Variants in TMEM151B observed in about 807,000 individuals in gnomAD.
The protein encoded by TMEM151B is transmembrane protein 151B, also known as transmembrane protein 193.
A neutral mutation model predicts 33.0 loss-of-function variants in TMEM151B; 18 were observed. That is an observed-to-expected ratio of 0.55 (90% CI 0.38 to 0.81). TMEM151B has a LOEUF of 0.81. Among genes scored for constraint, TMEM151B ranks in the 30% least tolerant of loss-of-function variants. TMEM151B has a pLI of 0.00. For synonymous variants in TMEM151B, 354 were observed against 373.6 expected, an observed-to-expected ratio of 0.95 and a Z score of 0.61; for missense variants, 672 against 843.4, an observed-to-expected ratio of 0.80 and a Z score of 2.52.
rs1334016385 is a variant in TMEM151B at position 44,273,145 on chromosome 6, T to C, written c.215T>C (p.Met72Thr). Reference protein sequence around the residue: ...HWKCLLLSLLMYGCLGAVAWC... With the variant: ...HWKCLLLSLLTYGCLGAVAWC... Reference sequence around the variant, plus strand: ...AAGTGCCTCCTGCTCTCGCTGCTCATGTACGGCTGCCTGGGGGCAGTGGCC... The same window carrying C: ...AAGTGCCTCCTGCTCTCGCTGCTCACGTACGGCTGCCTGGGGGCAGTGGCC... Residue 72 changes from methionine (M) to threonine (T), a missense_variant, in exon 2 of 3, where the codon ATG (methionine) becomes ACG (threonine). Coordinates refer to ENST00000451188, the MANE Select transcript of TMEM151B (RefSeq NM_001137560.2). 1.3e-6 allele frequency: 2 copies of C among 1,543,278 alleles called. No homozygotes were observed. The highest frequency in any genetic ancestry group is 2.0e-5 in the Admixed American group (1 of 50,806).
At position 44,275,508 on chromosome 6, in the gene TMEM151B, C is replaced by T. The variant is rs1405920223; in HGVS notation, c.682C>T (p.Pro228Ser). ...SKTLVGLEGA[P>S]ATRLRFTKCF... ...GACGCTGGTGGGGCTGGAGGGCGCG[C>T]CGGCCACGCGGCTGCGCTTCACCAA... Residue 228 changes from proline (P) to serine (S), a missense_variant, in exon 3 of 3, where the codon CCG (proline) becomes TCG (serine). This residue lies in a region of TMEM151B where 285 missense variants were observed against 423.1 expected (regional missense o/e 0.67). Transcript: ENST00000451188. 8 of 1,549,694 alleles carry T rather than the reference C, an allele frequency of 5.2e-6. No homozygotes were observed. The highest frequency in any genetic ancestry group is 6.1e-6 in the Non-Finnish European group (7 of 1,146,320).
intron 1 of TMEM151B, among the ~76,000 whole-genome samples, chr6:44,272,398 C>G (rs905974269): frequency 6.6e-6 from 1 of 152,022 alleles, no homozygotes; most frequent in Non-Finnish European, 1.5e-5. Flanking sequence ...GAACCAGGGT[C>G]CAGAACATGG....
intron 2 of TMEM151B, among the ~76,000 whole-genome samples, chr6:44,274,991 G>A (rs1343557287): frequency 6.6e-6 from 1 of 151,886 alleles, no homozygotes; most frequent in African/African-American, 2.4e-5. Context: ...GGTAGTGGGC[G>A]CCTGTAGTCC....
At chr6:44,272,406 T>C (rs749123482) in intron 1 of TMEM151B, among the ~76,000 whole-genome samples, 2 of 152,020 alleles carry the variant, frequency 1.3e-5, no homozygotes, top group Non-Finnish European at 2.9e-5. Flanking sequence ...GTCCAGAACA[T>C]GGGGAATGAG....
In TMEM151B at chr6:44,276,483, C is replaced by T; in HGVS notation, c.1657C>T (p.Arg553Trp). The T allele has an allele frequency of 6.9e-7, 1 of 1,446,096 alleles. No individual in the cohort carries two copies. The highest frequency in any genetic ancestry group is 9.1e-7 in the Non-Finnish European group (1 of 1,097,390). The allele number at this position is 1,446,096 out of a possible 1,614,324, so 89.6% of individuals were successfully genotyped here. Reference protein sequence around the residue: ...RQEGCLGHSHRPLHRHGSCVE... With the variant: ...RQEGCLGHSHWPLHRHGSCVE... ...GGAGGGGTGTCTGGGCCACAGCCAC[C>T]GGCCGCTGCACCGCCACGGCTCCTG... Residue 553 changes from arginine (R) to tryptophan (W), a missense_variant, in exon 3 of 3, where the codon CGG becomes TGG. Physicochemically the swap from Arg to Trp is moderately radical, Grantham distance 101. Around this residue, in one of 3 missense-constraint regions of TMEM151B, gnomAD observed 324 missense variants for 363.1 expected, o/e 0.89. Transcript: ENST00000451188.
chr6:44,273,559 G>A (rs1583014639), intron 2 of TMEM151B, 53 bp downstream of exon 2: 15 of 1,491,124 alleles, frequency 1.0e-5, no homozygotes, highest in Admixed American at 6.2e-5. Context: ...TGGCACTTAC[G>A]TGCTGCCTCA....
chr6:44,275,133 A>AG (rs1446410026), intron 2 of TMEM151B, among the ~76,000 whole-genome samples: 4 of 132,526 alleles, frequency 3.0e-5, no homozygotes, highest in Non-Finnish European at 5.0e-5. Flanking sequence ...AAAAAAAAAA[A>AG]AAAGAAAAAG....
intron 2 of TMEM151B, among the ~76,000 whole-genome samples, chr6:44,275,117 CAA>C (rs55699643): frequency 9.8e-5 from 11 of 111,804 alleles, no homozygotes; most frequent in South Asian, 8.7e-4. Context: ...GACTCCATCT[CAA>C]AAAAAAAAAA....
intron 2 of TMEM151B, among the ~76,000 whole-genome samples, chr6:44,275,051 G>C (rs944601807): frequency 6.6e-5 from 10 of 150,920 alleles, no homozygotes; most frequent in Non-Finnish European, 1.0e-4. Context: ...CCGGGAGGCG[G>C]AGCTTGCAGT....
chr6:44,274,081 G>A (rs1473244707), intron 2 of TMEM151B, among the ~76,000 whole-genome samples: 1 of 152,090 alleles, frequency 6.6e-6, no homozygotes, highest in East Asian at 1.9e-4. Context: ...CTGGTGTGGT[G>A]GTATGCACCT....
intron 2 of TMEM151B, 112 bp downstream of exon 2, chr6:44,273,618 A>G: frequency 1.6e-6 from 2 of 1,216,152 alleles, no homozygotes; most frequent in Middle Eastern, 4.5e-4. Flanking sequence ...AAAAGGCAGC[A>G]GTGAGCTCCC....
chr6:44,276,677 G>T lies in TMEM151B; in HGVS notation c.*150G>T. ...GAGGGCCGCAAGACAGGCCCGGATG[G>T]GGCCGAGACCCCCGCTGTCCCTGTA... On this transcript the variant is annotated 3_prime_UTR_variant, in exon 3 of 3. Transcript: ENST00000451188. 1 of 1,265,654 alleles carries T rather than the reference G, an allele frequency of 7.9e-7. No homozygotes were observed. Among genetic ancestry groups the T allele is most frequent in the Admixed American group, 4.1e-5 (1 of 24,210 alleles). The allele number at this position is 1,265,654 out of a possible 1,614,324, so 78.4% of individuals were successfully genotyped here. A position where few individuals can be genotyped will look rare whatever the true frequency, so the allele number is the denominator to read the frequency against.
intron 1 of TMEM151B, among the ~76,000 whole-genome samples, chr6:44,272,494 G>C (rs955023403): frequency 1.3e-5 from 2 of 152,270 alleles, no homozygotes; most frequent in Middle Eastern, 6.8e-3. Flanking sequence ...AGGTGGATGG[G>C]TCAGAGGGGA....
At chr6:44,273,034 A>G in intron 1 of TMEM151B, 32 bp from the exon 2 acceptor site, 2 of 1,466,978 alleles carry the variant, frequency 1.4e-6, no homozygotes, top group Non-Finnish European at 9.1e-7. Context: ...CTTCCCACTC[A>G]TCTTGGCCCC....
chr6:44,271,384 C>T (rs1782348128), intron 1 of TMEM151B, among the ~76,000 whole-genome samples: 1 of 124,330 alleles, frequency 8.0e-6, no homozygotes. Flanking sequence ...GGGGTGTGCA[C>T]CTCTCTCTCA....
Position 44,270,752 on chromosome 6 carries a change from C to A in TMEM151B, c.10C>A (p.Pro4Thr), listed in dbSNP as rs1782292060. MSP[P>T]GSAAGESAAG... ...GCGCCCCCTCTACGCCATGTCCCCC[C>A]CTGGCTCGGCCGCGGGAGAGAGCGC... is the stretch of plus-strand genomic sequence containing the variant. Residue 4 changes from proline (P) to threonine (T), a missense_variant, in exon 1 of 3, where the codon CCT becomes ACT. By Grantham distance (38) the Pro-to-Thr change is conservative (BLOSUM62 -1). This residue lies in a region of TMEM151B where 63 missense variants were observed against 57.2 expected (regional missense o/e 1.10). Transcript: ENST00000451188. 9.0e-7 allele frequency: 1 copy of A among 1,105,132 alleles called. No homozygotes were observed. Among genetic ancestry groups the A allele is most frequent in the Non-Finnish European group, 1.1e-6 (1 of 902,262 alleles). 68.5% of individuals were successfully genotyped at this position (1,105,132 alleles called of 1,614,324 possible).
chr6:44,275,257 C>G, intron 2 of TMEM151B, 146 bp from the exon 3 acceptor site: 1 of 1,405,242 alleles, frequency 7.1e-7, no homozygotes, highest in Middle Eastern at 2.6e-4. Flanking sequence ...AGATCCTAAC[C>G]AGCTCCAGCC....
At position 44,276,279 on chromosome 6, in the gene TMEM151B, A is replaced by G; in HGVS notation, c.1453A>G (p.Ser485Gly). The G allele has an allele frequency of 7.3e-7, 1 of 1,377,954 alleles. No individual in the cohort carries two copies. The highest frequency in any genetic ancestry group is 1.5e-5 in the African/African-American group (1 of 66,448). 85.4% of individuals were successfully genotyped at this position (1,377,954 alleles called of 1,614,324 possible). A position where few individuals can be genotyped will look rare whatever the true frequency, so the allele number is the denominator to read the frequency against. The change falls in exon 3 of 3, where the codon AGC becomes GGC. Residue 485 changes from serine (S) to glycine (G), a missense_variant. Around this residue, in one of 3 missense-constraint regions of TMEM151B, gnomAD observed 324 missense variants for 363.1 expected, o/e 0.89. Transcript: ENST00000451188. Reference sequence around the variant, plus strand: ...GGGCCGTCTCTACGGCTCCCGGCGCAGCTGCCTGTGGCGCAGCCGCAGCGG... The same window carrying G: ...GGGCCGTCTCTACGGCTCCCGGCGCGGCTGCCTGTGGCGCAGCCGCAGCGG... ...SLGRLYGSRR[S>G]CLWRSRSGSV...
In TMEM151B at chr6:44,276,394, A is replaced by T. The variant is rs1445809278; in HGVS notation, c.1568A>T (p.Glu523Val). 1 of 1,514,656 alleles carries T rather than the reference A, an allele frequency of 6.6e-7. No individual in the cohort carries two copies. Among genetic ancestry groups the T allele is most frequent in the Non-Finnish European group, 8.8e-7 (1 of 1,136,922 alleles). 93.8% of individuals were successfully genotyped at this position (1,514,656 alleles called of 1,614,324 possible). Reference sequence around the variant, plus strand: ...GACGACGAGGACGACGACGAGGAGGAGGCCGGGCCGCCGCCGCCCTACCAC... The same window carrying T: ...GACGACGAGGACGACGACGAGGAGGTGGCCGGGCCGCCGCCGCCCTACCAC... Reference protein sequence around the residue: ...MGDDEDDDEEEAGPPPPYHDA... With the variant: ...MGDDEDDDEEVAGPPPPYHDA... Residue 523 changes from glutamate to valine, a missense_variant, in exon 3 of 3, where the codon GAG becomes GTG. Glu to Val is a moderately radical substitution (Grantham distance 121, BLOSUM62 -2). This residue lies in a region of TMEM151B where 324 missense variants were observed against 363.1 expected (regional missense o/e 0.89). Coordinates refer to ENST00000451188, the MANE Select transcript of TMEM151B (RefSeq NM_001137560.2).
Sources: gnomAD v4.1 joint callset for allele counts (sites outside exome capture counted in the v4.1 genomes callset) on GRCh38, gnomAD v4.1.1 for gene constraint, gnomAD v4.1.1 regional missense constraint, MANE v1.5 for transcripts, NCBI Gene and HGNC (gene_info 2026-07-23, HGNC 2026-07-21) for gene names.